The following ERBB4 variants were observed in gnomAD, a reference collection of about 807,000 sequenced individuals.
ERBB4 encodes receptor tyrosine-protein kinase erbB-4.
A neutral mutation model predicts 158.0 loss-of-function variants in ERBB4; 42 were observed. That is an observed-to-expected ratio of 0.27 (90% CI 0.21 to 0.34). ERBB4 has a LOEUF of 0.34. ERBB4 is among the 10% of genes least tolerant of loss of function. The pLI is 1.00. For synonymous variants in ERBB4, 583 were observed against 558.7 expected (o/e 1.04, Z -0.61); for missense variants, 1,333 against 1,624.1 (o/e 0.82, Z 3.08).
At chr2:212,205,669 C>T (rs1224737880) in intron 1 of ERBB4, among the ~76,000 whole-genome samples, 1 of 152,084 alleles carries the variant, frequency 6.6e-6, no homozygotes, top group Admixed American at 6.6e-5. Context: ...TTGTCATAAG[C>T]ATTGTTACAT....
At chr2:211,824,666 T>C (rs1575201965) in intron 3 of ERBB4, among the ~76,000 whole-genome samples, 1 of 142,792 alleles carries the variant, frequency 7.0e-6, no homozygotes, top group African/African-American at 2.6e-5. Context: ...ATATTTACAA[T>C]AGAAAAGAAA....
intron 1 of ERBB4, among the ~76,000 whole-genome samples, chr2:212,226,166 GC>G (rs1253553444): frequency 6.6e-6 from 1 of 152,078 alleles, no homozygotes; most frequent in African/African-American, 2.4e-5. Flanking sequence ...CCCCAGAATG[GC>G]CTCTAGGTTT....
chr2:212,172,136 T>G (rs1318063038), intron 1 of ERBB4, among the ~76,000 whole-genome samples: 1 of 151,960 alleles, frequency 6.6e-6, no homozygotes, highest in Non-Finnish European at 1.5e-5. Flanking sequence ...AAAAAAGATA[T>G]ACATGCAGCC....
intron 3 of ERBB4, among the ~76,000 whole-genome samples, chr2:211,881,464 C>G (rs1312986690): frequency 6.6e-6 from 1 of 152,096 alleles, no homozygotes. Context: ...GAAGGACTAC[C>G]TGAGGGCCAG....
At chr2:212,149,027 A>AG (rs1292197148) in intron 1 of ERBB4, among the ~76,000 whole-genome samples, 1 of 75,634 alleles carries the variant, frequency 1.3e-5, no homozygotes, top group African/African-American at 5.3e-5. Flanking sequence ...GGGTGGGGGG[A>AG]GGGGGGAGGG....
chr2:211,631,182 TC>T (rs1416699495), intron 16 of ERBB4, among the ~76,000 whole-genome samples: 1 of 151,980 alleles, frequency 6.6e-6, no homozygotes, highest in Non-Finnish European at 1.5e-5. Context: ...CTCCAGACAT[TC>T]CCAAAGATCT....
intron 1 of ERBB4, among the ~76,000 whole-genome samples, chr2:212,537,084 C>T (rs1036895008): frequency 6.6e-6 from 1 of 151,906 alleles, no homozygotes; most frequent in Non-Finnish European, 1.5e-5. Flanking sequence ...ATTCGAAGGT[C>T]ATTTTGAAAG....
At chr2:212,034,033 G>A (rs974737678) in intron 2 of ERBB4, among the ~76,000 whole-genome samples, 7 of 151,878 alleles carry the variant, frequency 4.6e-5, no homozygotes, top group Non-Finnish European at 7.4e-5. Flanking sequence ...TTAATGAAGT[G>A]TAGACCCAAA....
intron 1 of ERBB4, among the ~76,000 whole-genome samples, chr2:212,310,726 CA>C (rs1375820738): frequency 6.8e-6 from 1 of 147,820 alleles, no homozygotes; most frequent in Non-Finnish European, 1.5e-5. Flanking sequence ...TTTTATTTTC[CA>C]AAAAACCCAG....
intron 2 of ERBB4, among the ~76,000 whole-genome samples, chr2:212,120,659 C>T (rs919520627): frequency 1.2e-4 from 18 of 152,180 alleles, no homozygotes; most frequent in East Asian, 1.9e-4. Flanking sequence ...GATGAAAATA[C>T]GGATAAAAAT....
chr2:211,585,765 T>C (rs2068256525), intron 19 of ERBB4, among the ~76,000 whole-genome samples: 1 of 152,128 alleles, frequency 6.6e-6, no homozygotes, highest in Non-Finnish European at 1.5e-5. Flanking sequence ...TAGGTACCTA[T>C]TATTCAGGTG....
At chr2:212,512,671 T>C (rs1377568801) in intron 1 of ERBB4, among the ~76,000 whole-genome samples, 2 of 152,178 alleles carry the variant, frequency 1.3e-5, no homozygotes, top group East Asian at 3.8e-4. Context: ...TCTGCATATA[T>C]CACCGACTAT....
intron 3 of ERBB4, among the ~76,000 whole-genome samples, chr2:211,791,906 AGTAAATT>A (rs1420543623): frequency 6.6e-6 from 1 of 151,656 alleles, no homozygotes; most frequent in African/African-American, 2.4e-5. Flanking sequence ...TTTTATTTAG[AGTAAATT>A]GTAATCTACA....
intron 1 of ERBB4, among the ~76,000 whole-genome samples, chr2:212,273,024 T>C (rs1559897012): frequency 1.3e-5 from 2 of 151,842 alleles, no homozygotes; most frequent in East Asian, 3.9e-4. Flanking sequence ...ACACTGTTTA[T>C]TGAAATATTT....
At chr2:211,880,824 G>A (rs1308908616) in intron 3 of ERBB4, among the ~76,000 whole-genome samples, 1 of 152,152 alleles carries the variant, frequency 6.6e-6, no homozygotes, top group Non-Finnish European at 1.5e-5. Context: ...AGATAATATT[G>A]AAGATGAAAC....
chr2:212,347,943 A>G (rs1308480076), intron 1 of ERBB4, among the ~76,000 whole-genome samples: 1 of 152,112 alleles, frequency 6.6e-6, no homozygotes, highest in African/African-American at 2.4e-5. Context: ...TCCAGTCCAT[A>G]CAGCTATTTT....
chr2:212,250,335 T>C (rs1226639901), intron 1 of ERBB4, among the ~76,000 whole-genome samples: 1 of 151,922 alleles, frequency 6.6e-6, no homozygotes, highest in Non-Finnish European at 1.5e-5. Flanking sequence ...TCCAACTGGG[T>C]GTGGAGTTTC....
chr2:211,902,841 G>T (rs370098948), intron 3 of ERBB4, among the ~76,000 whole-genome samples: 60 of 151,818 alleles, frequency 4.0e-4, no homozygotes, highest in African/African-American at 1.2e-3. Context: ...GAAATTAAGA[G>T]CAACACAAAG....
intron 2 of ERBB4, among the ~76,000 whole-genome samples, chr2:211,988,325 T>A (rs1306040461): frequency 6.6e-6 from 1 of 152,090 alleles, no homozygotes; most frequent in Non-Finnish European, 1.5e-5. Flanking sequence ...TTGGATTCTC[T>A]CCAAGCCTCA....
Sources: gnomAD v4.1 joint callset for allele counts (sites outside exome capture counted in the v4.1 genomes callset) on GRCh38, gnomAD v4.1.1 for gene constraint, MANE v1.5 for transcripts, NCBI Gene and HGNC (gene_info 2026-07-23, HGNC 2026-07-21) for gene names.